ARHGEF1: variants seen among roughly 807,000 people sequenced by gnomAD.
ARHGEF1 encodes Rho guanine nucleotide exchange factor 1.
ARHGEF1 carries 40 observed loss-of-function variants against 119.7 expected under a neutral mutation model. The ratio of observed to expected loss-of-function variants is 0.33; its 90% confidence interval spans 0.26 to 0.44. The LOEUF is 0.44. Among genes scored for constraint, ARHGEF1 ranks in the 20% least tolerant of loss-of-function variants. ARHGEF1 has a pLI of 1.00. For missense variants in ARHGEF1, 976 were observed against 1,268.3 expected (o/e 0.77, Z 3.50); for synonymous variants, 494 against 521.0 (o/e 0.95, Z 0.71).
At chr19:41,926,745 C>T (rs561602130) in intron 1 of ARHGEF1, among the ~76,000 whole-genome samples, 1 of 152,126 alleles carries the variant, frequency 6.6e-6, no homozygotes, top group Non-Finnish European at 1.5e-5. Flanking sequence ...GCCGTTTAGC[C>T]GTGATAGATC....
At chr19:41,894,060 A>G in intron 8 of ARHGEF1, 147 bp from the exon 9 acceptor site, 1 of 484,654 alleles carries the variant, frequency 2.1e-6, no homozygotes, top group South Asian at 5.2e-5. Flanking sequence ...AGAGTCTCAC[A>G]GGAAGTAGTT....
intron 28 of ARHGEF1, 85 bp from the exon 29 acceptor site, chr19:41,907,020 C>T: frequency 1.5e-6 from 2 of 1,295,130 alleles, no homozygotes; most frequent in Middle Eastern, 2.6e-4. Flanking sequence ...TCTCTCTCTG[C>T]TCTCCCTGTC....
intron 8 of ARHGEF1, among the ~76,000 whole-genome samples, chr19:41,893,968 A>G (rs1348735467): frequency 7.1e-6 from 1 of 141,214 alleles, no homozygotes; most frequent in African/African-American, 2.7e-5. Context: ...AGGGAGGAGG[A>G]GCCTGGGGCC....
chr19:41,903,511 T>C lies in ARHGEF1; in HGVS notation c.1839+104T>C. On this transcript the variant is annotated intron_variant, in intron 19 of 28. Transcript: ENST00000354532. The surrounding 1 kb of genome is among the most constrained non-coding windows in gnomAD (Gnocchi z 4.2). ...AAGTCACACCCCACCCCTTGGCTTG[T>C]CTCCCTCAAGGGTCACTGTGTCCAG... 8.5e-7 allele frequency: 1 copy of C among 1,175,684 alleles called. No homozygotes were observed. 72.8% of individuals were successfully genotyped at this position (1,175,684 alleles called of 1,614,324 possible).
Position 41,896,407 on chromosome 19 carries a change from C to T in ARHGEF1, c.1046C>T (p.Ser349Leu), listed in dbSNP as rs782400593. 5 of 1,446,320 alleles carry T rather than the reference C, an allele frequency of 3.5e-6. No homozygotes were observed. Among genetic ancestry groups the T allele is most frequent in the South Asian group, 1.6e-5 (1 of 63,026 alleles). 89.6% of individuals were successfully genotyped at this position (1,446,320 alleles called of 1,614,324 possible). ...GADAPLELGDSSPQGPMSLES... is the reference protein window; with the variant it reads ...GADAPLELGDLSPQGPMSLES... Reference sequence around the variant, plus strand: ...GACGCCCCCCTGGAGCTGGGGGACTCATCCCCGCAGGGCCCAATGAGCCTG... The same window carrying T: ...GACGCCCCCCTGGAGCTGGGGGACTTATCCCCGCAGGGCCCAATGAGCCTG... Residue 349 changes from serine (S) to leucine (L), a missense_variant, in exon 13 of 29, where the codon TCA (serine) becomes TTA (leucine). By Grantham distance (145) the Ser-to-Leu change is moderately radical. Coordinates refer to ENST00000354532, the MANE Select transcript of ARHGEF1 (RefSeq NM_004706.4).
chr19:41,890,360 A>G (rs1555845985), intron 4 of ARHGEF1: 2 of 150,658 alleles, frequency 1.3e-5, no homozygotes, highest in African/African-American at 4.9e-5. Flanking sequence ...AAAAAAAAAA[A>G]GTGGGGCCGG....
chr19:41,903,873 C>A lies in ARHGEF1; in HGVS notation c.1917+89C>A. The A allele has an allele frequency of 7.0e-7, 1 of 1,432,970 alleles. No homozygotes were observed. The highest frequency in any genetic ancestry group is 9.8e-7 in the Non-Finnish European group (1 of 1,022,340). 88.8% of individuals were successfully genotyped at this position (1,432,970 alleles called of 1,614,324 possible). ...CAGCCCCCAGCCTGTCCTGCCCATC[C>A]CATAATACACCCAGGAAGCGAGAGC... is the stretch of plus-strand genomic sequence containing the variant. On this transcript the variant is annotated intron_variant, in intron 20 of 28. Transcript: ENST00000354532. The surrounding 1 kb of genome is among the most constrained non-coding windows in gnomAD (Gnocchi z 4.2).
Position 41,892,885 on chromosome 19 carries a change from C to T in ARHGEF1, c.614+36C>T, listed in dbSNP as rs1464069458. 1 of 1,459,772 alleles carries T rather than the reference C, an allele frequency of 6.9e-7. No individual in the cohort carries two copies. The highest frequency in any genetic ancestry group is 9.0e-7 in the Non-Finnish European group (1 of 1,105,784). 90.4% of individuals were successfully genotyped at this position (1,459,772 alleles called of 1,614,324 possible). ...CAGCCCTGGTGGGAGCGTCGCCCCT[C>T]CCCAGCACAAGGGCACCCGTGCTAC... On this transcript the variant is annotated intron_variant, in intron 7 of 28. Transcript: ENST00000354532. This position sits in a 1 kb window ranked among gnomAD's most constrained non-coding sequence, Gnocchi z 6.3.
In ARHGEF1 at chr19:41,898,461, G is replaced by A; in HGVS notation, c.1141G>A (p.Gly381Arg). Reference sequence around the variant, plus strand: ...CCACAGCCCCGAGCCTGGAGATGAGGGGGAGCCGGGGCGGTCGGGACTGGA... The same window carrying A: ...CCACAGCCCCGAGCCTGGAGATGAGAGGGAGCCGGGGCGGTCGGGACTGGA... The part of the protein sequence containing the change: ...ETESPEPGDE[G>R]EPGRSGLELE... Residue 381 changes from glycine (G) to arginine (R), a missense_variant, in exon 14 of 29, where the codon GGG (glycine) becomes AGG (arginine). Gly to Arg is a moderately radical substitution (Grantham distance 125, BLOSUM62 -2). Coordinates refer to ENST00000354532, the MANE Select transcript of ARHGEF1 (RefSeq NM_004706.4). The A allele has an allele frequency of 6.5e-7, 1 of 1,547,426 alleles. No individual in the cohort carries two copies. The highest frequency in any genetic ancestry group is 2.4e-5 in the East Asian group (1 of 40,900).
intron 1 of ARHGEF1, chr19:41,884,545 C>T (rs782688085): frequency 5.6e-6 from 9 of 1,597,856 alleles, no homozygotes; most frequent in African/African-American, 1.3e-5. Context: ...GCACGTCCTC[C>T]CCGGCATCCC....
intron 8 of ARHGEF1, 102 bp downstream of exon 8, chr19:41,893,405 G>A (rs1316093386): frequency 4.1e-4 from 298 of 733,790 alleles, no homozygotes; most frequent in Non-Finnish European, 4.6e-4. Context: ...TGGGGGGCCT[G>A]GACGCCTGGG....
In ARHGEF1 at chr19:41,906,725, G is replaced by A. The variant is rs369952369; in HGVS notation, c.2678G>A (p.Arg893His). 53 of 1,609,322 alleles carry A rather than the reference G, an allele frequency of 3.3e-5. 1 individual carries two copies. The highest frequency in any genetic ancestry group is 3.3e-4 in the Middle Eastern group (2 of 6,040). Residue 893 changes from arginine to histidine, a missense_variant, in exon 28 of 29, where the codon CGC becomes CAC. This residue lies in a region of ARHGEF1 where 171 missense variants were observed against 180.6 expected (regional missense o/e 0.95). Coordinates refer to ENST00000354532, the MANE Select transcript of ARHGEF1 (RefSeq NM_004706.4). The surrounding 1 kb of genome is among the most constrained non-coding windows in gnomAD (Gnocchi z 4.5). ...QLEELEEEFC[R>H]LRPLLSQLGG... ...CAGGAGTTGGAGGAGGAATTTTGCCGCCTGAGACCCCTCCTGTCTCAGCTT... is the reference window on the plus strand; with the variant it reads ...CAGGAGTTGGAGGAGGAATTTTGCCACCTGAGACCCCTCCTGTCTCAGCTT...
Position 41,888,793 on chromosome 19 carries a change from G to A in ARHGEF1, c.153G>A (p.Gln51=). 1 of 1,614,254 alleles carries A rather than the reference G, an allele frequency of 6.2e-7. No individual in the cohort carries two copies. The highest frequency in any genetic ancestry group is 2.2e-5 in the East Asian group (1 of 44,882). The change falls in exon 4 of 29, where the codon CAG becomes CAA. Residue 51 remains glutamine (Q), a synonymous_variant. Transcript: ENST00000354532. This position sits in a 1 kb window ranked among gnomAD's most constrained non-coding sequence, Gnocchi z 5.1. ...EQNSQFQSLE[Q]VKRRPAHLMA... is the part of the protein sequence containing the mutation. ...ACAGCCAGTTCCAGAGCCTGGAGCA[G>A]GTGAAGCGGCGCCCAGCCCACCTCA...
intron 12 of ARHGEF1, among the ~76,000 whole-genome samples, chr19:41,895,946 T>TG (rs1456710500): frequency 6.6e-6 from 1 of 152,148 alleles, no homozygotes; most frequent in Admixed American, 6.5e-5. Flanking sequence ...GCTGACTGCT[T>TG]GTGTTTATTT....
rs1358703705 is a variant in ARHGEF1, at chr19:41,907,113, CAAG to C, written c.*30_*32del. ...TCTCCTACATCCCCCAGGCCTTTTG[CAAG>C]AAGGAGAGGAATGGGGGAGAGGACG... On this transcript the variant is annotated 3_prime_UTR_variant, in exon 29 of 29. Coordinates refer to ENST00000354532, the MANE Select transcript of ARHGEF1 (RefSeq NM_004706.4). 2.2e-5 allele frequency: 33 copies of C among 1,524,366 alleles called. No homozygotes were observed. The highest frequency in any genetic ancestry group is 4.1e-5 in the African/African-American group (3 of 72,544). 94.4% of individuals were successfully genotyped at this position (1,524,366 alleles called of 1,614,324 possible).
At position 41,906,729 on chromosome 19, in the gene ARHGEF1, G is replaced by A. The variant is rs2074704588; in HGVS notation, c.2682G>A (p.Leu894=). 1 of 1,611,310 alleles carries A rather than the reference G, an allele frequency of 6.2e-7. No individual in the cohort carries two copies. Among genetic ancestry groups the A allele is most frequent in the Admixed American group, 1.7e-5 (1 of 59,364 alleles). ...LEELEEEFCR[L]RPLLSQLGGN... is the part of the protein sequence containing the mutation. ...AGTTGGAGGAGGAATTTTGCCGCCT[G>A]AGACCCCTCCTGTCTCAGCTTGGGG... The change falls in exon 28 of 29, where the codon CTG becomes CTA. Residue 894 remains leucine, a synonymous_variant. Coordinates refer to ENST00000354532, the MANE Select transcript of ARHGEF1 (RefSeq NM_004706.4). The surrounding 1 kb of genome is among the most constrained non-coding windows in gnomAD (Gnocchi z 4.5).
Position 41,905,589 on chromosome 19 carries a change from G to A in ARHGEF1, c.2337-171G>A. 2 of 680,554 alleles carry A rather than the reference G, an allele frequency of 2.9e-6. No individual in the cohort carries two copies. The highest frequency in any genetic ancestry group is 4.9e-6 in the Non-Finnish European group (2 of 405,838). The allele number at this position is 680,554 out of a possible 1,614,324, so 42.2% of individuals were successfully genotyped here. ...CTGCCCCGTCTGTCTCCTGTCTCCA[G>A]GCCTCTGTGTCTTCCATTGTCTGGG... On this transcript the variant is annotated intron_variant, in intron 24 of 28. Coordinates refer to ENST00000354532, the MANE Select transcript of ARHGEF1 (RefSeq NM_004706.4). This position sits in a 1 kb window ranked among gnomAD's most constrained non-coding sequence, Gnocchi z 6.4.
At chr19:41,909,334 A>G, downstream of ARHGEF1, 1 of 1,235,780 alleles carries the variant, frequency 8.1e-7, no homozygotes, top group Non-Finnish European at 1.0e-6. This position sits in a 1 kb window ranked among gnomAD's most constrained non-coding sequence, Gnocchi z 5.2. Flanking sequence ...ACTGGGGGTC[A>G]GCAAGAGTGG....
upstream of ARHGEF1, among the ~76,000 whole-genome samples, chr19:41,921,867 GCCCA>G (rs1264933853): frequency 5.3e-5 from 8 of 151,516 alleles, no homozygotes; most frequent in Non-Finnish European, 8.8e-5. The surrounding 1 kb of genome is among the most constrained non-coding windows in gnomAD (Gnocchi z 4.4). Flanking sequence ...CAGCTTCAAA[GCCCA>G]CCCTACCCCT....
Sources: allele counts gnomAD v4.1 joint callset (sites outside exome capture counted in the v4.1 genomes callset), GRCh38; gene constraint gnomAD v4.1.1; regional missense constraint gnomAD v4.1.1; non-coding constraint Gnocchi (gnomAD v3.1); transcripts MANE v1.5; gene names NCBI Gene and HGNC (gene_info 2026-07-23, HGNC 2026-07-21).